Variants in ARHGAP17 observed in about 807,000 individuals in gnomAD.
ARHGAP17 encodes the protein rho GTPase-activating protein 17.
ARHGAP17 carries 57 observed loss-of-function variants against 99.5 expected under a neutral mutation model. That is an observed-to-expected ratio of 0.57 (90% CI 0.46 to 0.71). The LOEUF (loss-of-function observed/expected upper bound fraction) is 0.71, where lower values mean the gene tolerates loss of function less well. Among genes scored for constraint, ARHGAP17 ranks in the 30% least tolerant of loss-of-function variants. The probability of loss-of-function intolerance (pLI) is 0.00; values close to 1 mark genes in which losing one functional copy is unlikely to be tolerated. For synonymous variants in ARHGAP17, 417 were observed against 429.6 expected (o/e 0.97, Z 0.36); for missense variants, 1,000 against 1,122.4 (o/e 0.89, Z 1.56).
At chr16:24,949,295 T>C (rs2051563443) in intron 13 of ARHGAP17, 109 bp downstream of exon 13, 3 of 768,114 alleles carry the variant, frequency 3.9e-6, no homozygotes, top group Non-Finnish European at 6.1e-6. Flanking sequence ...GTTTTTTTTG[T>C]TGTTGTTGTT....
At chr16:24,993,517 A>C (rs1174654863) in intron 1 of ARHGAP17, among the ~76,000 whole-genome samples, 1 of 151,642 alleles carries the variant, frequency 6.6e-6, no homozygotes, top group Non-Finnish European at 1.5e-5. Context: ...TGAACCCAGG[A>C]GGCGAAGGTT....
rs1348776640 is a variant in ARHGAP17, at chr16:24,942,074, G to A, written c.1403C>T (p.Thr468Ile). Reference protein sequence around the residue: ...TTPSSNHSFHTGNDSDSGTLE... With the variant: ...TTPSSNHSFHIGNDSDSGTLE... ...GGTCCCCGAGTCAGAGTCGTTTCCA[G>A]TGTGGAATGAGTGATTAGAACTCGG... Residue 468 changes from threonine (T) to isoleucine (I), a missense_variant, in exon 16 of 20, where the codon ACT becomes ATT. Physicochemically the swap from Thr to Ile is moderately conservative, Grantham distance 89. This residue lies in a region of ARHGAP17 where 472 missense variants were observed against 611.1 expected (regional missense o/e 0.77). Coordinates refer to ENST00000289968, the MANE Select transcript of ARHGAP17 (RefSeq NM_001006634.3). The A allele has an allele frequency of 6.2e-7, 1 of 1,611,484 alleles. No homozygotes were observed. The highest frequency in any genetic ancestry group is 1.3e-5 in the African/African-American group (1 of 74,832).
intron 12 of ARHGAP17, among the ~76,000 whole-genome samples, chr16:24,951,640 T>C (rs1350327050): frequency 3.9e-5 from 6 of 152,186 alleles, no homozygotes; most frequent in African/African-American, 1.2e-4. Flanking sequence ...ACCTTTAAGA[T>C]GATCCACTTC....
At chr16:25,006,507 C>T (rs954761441) in intron 1 of ARHGAP17, among the ~76,000 whole-genome samples, 5 of 151,576 alleles carry the variant, frequency 3.3e-5, no homozygotes, top group African/African-American at 1.2e-4. Flanking sequence ...AGTCTCCTCA[C>T]CTGACTGAGA....
At chr16:24,947,622 T>G in intron 13 of ARHGAP17, 27 bp from the exon 14 acceptor site, 2 of 1,549,204 alleles carry the variant, frequency 1.3e-6, no homozygotes, top group African/African-American at 1.4e-5. Flanking sequence ...AAGGGGAGGG[T>G]TTCTCCTCTG....
At chr16:24,964,705 C>G (rs2052119566) in intron 6 of ARHGAP17, among the ~76,000 whole-genome samples, 1 of 152,176 alleles carries the variant, frequency 6.6e-6, no homozygotes, top group Admixed American at 6.5e-5. Context: ...TTCCCTGTGC[C>G]ACTGGGAATC....
intron 18 of ARHGAP17, among the ~76,000 whole-genome samples, chr16:24,932,841 A>T (rs1052640471): frequency 2.0e-5 from 3 of 152,102 alleles, no homozygotes; most frequent in Non-Finnish European, 4.4e-5. Flanking sequence ...CCTTTTTCAA[A>T]CTCTGCTAAG....
In ARHGAP17 at chr16:24,947,586, G is replaced by A; in HGVS notation, c.1137C>T (p.Ile379=). The A allele has an allele frequency of 6.2e-7, 1 of 1,610,678 alleles. No individual in the cohort carries two copies. ...PQNFVNFRYL[I]KFLAKLAQTS... is the part of the protein sequence containing the mutation. ...TCTGAGCAAGCTTTGCAAGGAACTT[G>A]ATCAAATATCTAGGGGTCAAAAGAG... The change falls in exon 14 of 20, where the codon ATC becomes ATT. Residue 379 remains isoleucine (I), a synonymous_variant. Transcript: ENST00000289968.
intron 4 of ARHGAP17, 58 bp downstream of exon 4, chr16:24,970,449 C>T (rs2052328181): frequency 1.3e-6 from 2 of 1,532,292 alleles, no homozygotes; most frequent in East Asian, 4.5e-5. Context: ...CACCACCTGG[C>T]CCAGCCACTT....
At chr16:24,932,960 A>T (rs895221070) in intron 18 of ARHGAP17, among the ~76,000 whole-genome samples, 7 of 152,196 alleles carry the variant, frequency 4.6e-5, no homozygotes, top group African/African-American at 1.7e-4. Flanking sequence ...AATTATGCAC[A>T]TTATAATTTA....
intron 10 of ARHGAP17, among the ~76,000 whole-genome samples, chr16:24,953,913 C>T (rs966992850): frequency 4.6e-5 from 7 of 152,086 alleles, no homozygotes; most frequent in African/African-American, 9.7e-5. Context: ...GGAGGGCTTC[C>T]GGGATGTTCT....
intron 2 of ARHGAP17, 31 bp downstream of exon 2, chr16:24,978,935 A>C: frequency 6.5e-7 from 1 of 1,537,584 alleles, no homozygotes; most frequent in Non-Finnish European, 8.8e-7. Context: ...TCCTTTAAAC[A>C]GATCATTTAA....
intron 16 of ARHGAP17, chr16:24,939,947 C>T: frequency 3.2e-6 from 1 of 311,438 alleles, no homozygotes; most frequent in Non-Finnish European, 6.1e-6. Flanking sequence ...CTCACTCCAC[C>T]ACCCAGGCTG....
intron 3 of ARHGAP17, 125 bp downstream of exon 3, chr16:24,977,090 G>C (rs970351066): frequency 1.6e-5 from 9 of 573,564 alleles, no homozygotes; most frequent in Non-Finnish European, 2.5e-5. Context: ...TCATGAGCGT[G>C]CTTGGTGATA....
At chr16:24,967,790 A>C (rs920246461) in intron 6 of ARHGAP17, among the ~76,000 whole-genome samples, 18 of 151,912 alleles carry the variant, frequency 1.2e-4, no homozygotes, top group African/African-American at 3.4e-4. Flanking sequence ...AAAAAAAAAA[A>C]AAAAAAAGAA....
At chr16:24,924,886 A>T (rs1467300803) in intron 19 of ARHGAP17, among the ~76,000 whole-genome samples, 1 of 152,088 alleles carries the variant, frequency 6.6e-6, no homozygotes, top group African/African-American at 2.4e-5. Context: ...AATAAAAAAA[A>T]AAGCAGGTTC....
chr16:24,979,888 T>G (rs1379728953), intron 1 of ARHGAP17, among the ~76,000 whole-genome samples: 2 of 152,100 alleles, frequency 1.3e-5, no homozygotes, highest in Non-Finnish European at 2.9e-5. Flanking sequence ...TTTTTGTATT[T>G]TTAGAAGAGA....
intron 13 of ARHGAP17, among the ~76,000 whole-genome samples, chr16:24,948,336 C>A (rs4414498): frequency 0.065 from 9,857 of 152,212 alleles, 1,041 homozygotes; most frequent in African/African-American, 0.22. Context: ...CTTACGTCTA[C>A]ATTAACTCTT....
chr16:24,952,990 G>C lies in ARHGAP17; in HGVS notation c.905C>G (p.Ala302Gly). Residue 302 changes from alanine (A) to glycine (G), a missense_variant, in exon 11 of 20, where the codon GCT becomes GGT. By Grantham distance (60) the Ala-to-Gly change is moderately conservative. Transcript: ENST00000289968. The stretch of plus-strand genomic sequence containing the variant: ...CAGGTGAGAAGTAGAACAGTCCAAA[G>C]CAGCTTTCAGCTTCTTTAACTTGGA... The part of the protein sequence containing the change: ...GASKLKKLKA[A>G]LDCSTSHLDE... 6.2e-7 allele frequency: 1 copy of C among 1,614,184 alleles called. No homozygotes were observed. Among genetic ancestry groups the C allele is most frequent in the Non-Finnish European group, 8.5e-7 (1 of 1,180,032 alleles).
Sources: allele counts gnomAD v4.1 joint callset (sites outside exome capture counted in the v4.1 genomes callset), GRCh38; gene constraint gnomAD v4.1.1; regional missense constraint gnomAD v4.1.1; transcripts MANE v1.5; gene names NCBI Gene and HGNC (gene_info 2026-07-23, HGNC 2026-07-21).